TAF4B: variants seen among roughly 807,000 people sequenced by gnomAD.
TAF4B encodes the protein TATA-box binding protein associated factor 4b.
Under a neutral mutation model 86.4 loss-of-function variants are expected in TAF4B, and 38 were observed. The observed-to-expected ratio is 0.44, with a 90% CI of 0.34 to 0.58. TAF4B has a LOEUF of 0.58. TAF4B is among the 20% of genes least tolerant of loss of function. TAF4B has a pLI of 0.02. For synonymous variants in TAF4B, 388 were observed against 391.2 expected, an observed-to-expected ratio of 0.99 and a Z score of 0.10; for missense variants, 988 against 1,027.6, an observed-to-expected ratio of 0.96 and a Z score of 0.53.
intron 6 of TAF4B, among the ~76,000 whole-genome samples, chr18:26,282,373 A>G (rs887291524): frequency 5.3e-5 from 8 of 152,234 alleles, no homozygotes; most frequent in African/African-American, 1.7e-4. Flanking sequence ...AAGAAAGCTA[A>G]TATCACAATA....
chr18:26,285,222 G>GTTTTTTTTTTTTGTTTTTTTTTTTT (rs2056501259), intron 6 of TAF4B, among the ~76,000 whole-genome samples: 479 of 45,562 alleles, frequency 0.011, 7 homozygotes, highest in East Asian at 0.026. Flanking sequence ...TTTTTTTTTT[G>GTTTTTTTTTTTTGTTTTTTTTTTTT]TTTTTTTTTT....
chr18:26,338,772 C>T (rs2057113612), intron 13 of TAF4B, among the ~76,000 whole-genome samples: 1 of 152,194 alleles, frequency 6.6e-6, no homozygotes, highest in Admixed American at 6.5e-5. Flanking sequence ...GCCACTACGC[C>T]TGGATCATTT....
intron 3 of TAF4B, among the ~76,000 whole-genome samples, chr18:26,270,462 TTG>T (rs2056298546): frequency 6.6e-6 from 1 of 152,210 alleles, no homozygotes. Context: ...CTAATTATAT[TTG>T]TAGTTTTTAA....
At chr18:26,369,261 C>A (rs1464090443) in intron 14 of TAF4B, among the ~76,000 whole-genome samples, 1 of 152,098 alleles carries the variant, frequency 6.6e-6, no homozygotes, top group Non-Finnish European at 1.5e-5. Context: ...TATTTTGCAA[C>A]CGTTACACTA....
chr18:26,357,829 G>A, intron 14 of TAF4B, 35 bp downstream of exon 14: 1 of 1,510,840 alleles, frequency 6.6e-7, no homozygotes, highest in Non-Finnish European at 9.1e-7. Context: ...TATTTTTAAT[G>A]TCAAGAAAGC....
At chr18:26,337,145 T>C (rs2057098317) in intron 13 of TAF4B, among the ~76,000 whole-genome samples, 1 of 152,212 alleles carries the variant, frequency 6.6e-6, no homozygotes, top group Non-Finnish European at 1.5e-5. Context: ...CTTTCCAAAA[T>C]ATTTTGAAAG....
At chr18:26,268,763 A>G (rs1048200619) in intron 3 of TAF4B, among the ~76,000 whole-genome samples, 1 of 152,180 alleles carries the variant, frequency 6.6e-6, no homozygotes, top group African/African-American at 2.4e-5. Flanking sequence ...GATCATGGTT[A>G]CAAGGAACCA....
At chr18:26,346,779 GTGTATA>G (rs1435949000) in intron 13 of TAF4B, among the ~76,000 whole-genome samples, 8 of 17,878 alleles carry the variant, frequency 4.5e-4, no homozygotes, top group Non-Finnish European at 8.4e-4. Context: ...ATATATGTGT[GTGTATA>G]TATATATATA....
At chr18:26,256,480 T>A (rs1467336233) in intron 1 of TAF4B, 1 of 622,350 alleles carries the variant, frequency 1.6e-6, no homozygotes, top group African/African-American at 1.8e-5. Flanking sequence ...TTGTTGATTT[T>A]TCTCAGTTGT....
chr18:26,322,330 C>G (rs931700087), intron 11 of TAF4B, among the ~76,000 whole-genome samples: 21 of 151,792 alleles, frequency 1.4e-4, no homozygotes, highest in African/African-American at 4.8e-4. Flanking sequence ...TGCCAAGGTC[C>G]TCACTTGCAT....
intron 1 of TAF4B, among the ~76,000 whole-genome samples, chr18:26,227,539 A>G (rs1352422539): frequency 6.6e-6 from 1 of 152,202 alleles, no homozygotes; most frequent in Non-Finnish European, 1.5e-5. Flanking sequence ...TCTTAGGTGG[A>G]GGAGATAATA....
chr18:26,236,865 T>G (rs1404056264), intron 1 of TAF4B, among the ~76,000 whole-genome samples: 1 of 152,228 alleles, frequency 6.6e-6, no homozygotes, highest in Non-Finnish European at 1.5e-5. Context: ...TCTCCTGATA[T>G]CTGCAGCTGA....
intron 13 of TAF4B, among the ~76,000 whole-genome samples, chr18:26,342,233 A>G (rs988365663): frequency 1.3e-5 from 2 of 152,094 alleles, no homozygotes; most frequent in Non-Finnish European, 2.9e-5. Context: ...AGATTTTTTC[A>G]TACATTCCTA....
intron 14 of TAF4B, among the ~76,000 whole-genome samples, chr18:26,381,124 C>T (rs1018787941): frequency 6.6e-6 from 1 of 151,980 alleles, no homozygotes; most frequent in African/African-American, 2.4e-5. Flanking sequence ...AAGCGATCCT[C>T]CCACCTCAGC....
chr18:26,342,976 G>T (rs2057147837), intron 13 of TAF4B, among the ~76,000 whole-genome samples: 1 of 152,200 alleles, frequency 6.6e-6, no homozygotes, highest in Non-Finnish European at 1.5e-5. Flanking sequence ...TTCCAGTTAA[G>T]ATGGAGTAAA....
At position 26,359,697 on chromosome 18, in the gene TAF4B, G is replaced by A. The variant is rs1318396646; in HGVS notation, c.2421+1903G>A. 3.9e-5 allele frequency among the ~76,000 whole-genome samples: 6 copies of A among 152,062 alleles called. 1 individual carries two copies. The highest frequency in any genetic ancestry group is 4.2e-4 in the South Asian group (2 of 4,812). ...ATAGCACCGCCCTGCTCCAGCGACC[G>A]TCAATTTAATTTTATTTATTTACCT... On this transcript the variant is annotated intron_variant, in intron 14 of 14. Coordinates refer to ENST00000269142, the MANE Select transcript of TAF4B (RefSeq NM_005640.3).
At chr18:26,321,221 A>C in intron 11 of TAF4B, 21 bp downstream of exon 11, 1 of 1,613,112 alleles carries the variant, frequency 6.2e-7, no homozygotes, top group Non-Finnish European at 8.5e-7. Flanking sequence ...TCATTAAAGA[A>C]GTATAAACTC....
chr18:26,332,105 T>C (rs979861268), intron 12 of TAF4B, among the ~76,000 whole-genome samples: 2 of 152,156 alleles, frequency 1.3e-5, no homozygotes, highest in Non-Finnish European at 2.9e-5. Flanking sequence ...TTCCCCTAAG[T>C]CTGCTTTTTC....
intron 1 of TAF4B, among the ~76,000 whole-genome samples, chr18:26,258,907 C>T (rs963653529): frequency 6.6e-6 from 1 of 151,054 alleles, no homozygotes; most frequent in African/African-American, 2.4e-5. Context: ...CTTTGTTGTC[C>T]AGTCTGGTCT....
Sources: gnomAD v4.1 joint callset for allele counts (sites outside exome capture counted in the v4.1 genomes callset) on GRCh38, gnomAD v4.1.1 for gene constraint, MANE v1.5 for transcripts, NCBI Gene and HGNC (gene_info 2026-07-23, HGNC 2026-07-21) for gene names.